TRERF1: variants seen among roughly 807,000 people sequenced by gnomAD.
The protein encoded by TRERF1 is transcriptional regulating factor 1, also known as transcriptional-regulating factor 1.
A neutral mutation model predicts 122.9 loss-of-function variants in TRERF1; 27 were observed. The observed-to-expected ratio is 0.22, with a 90% CI of 0.16 to 0.30. TRERF1 has a LOEUF of 0.30. TRERF1 is among the 10% of genes least tolerant of loss of function. The pLI, the probability that TRERF1 is intolerant of heterozygous loss-of-function variation, is 1.00. For missense variants in TRERF1, 1,248 were observed against 1,560.3 expected, an observed-to-expected ratio of 0.80 and a Z score of 3.37; for synonymous variants, 636 against 641.7, an observed-to-expected ratio of 0.99 and a Z score of 0.13.
At chr6:42,408,457 CA>C (rs1412377282) in intron 2 of TRERF1, among the ~76,000 whole-genome samples, 81 of 141,684 alleles carry the variant, frequency 5.7e-4, no homozygotes, top group Non-Finnish European at 1.4e-4. Flanking sequence ...CGGCTCACTG[CA>C]ACCTCTGCCT....
At chr6:42,349,790 T>C (rs1769047660) in intron 3 of TRERF1, among the ~76,000 whole-genome samples, 1 of 152,198 alleles carries the variant, frequency 6.6e-6, no homozygotes, top group African/African-American at 2.4e-5. Flanking sequence ...CCTATTCTCT[T>C]TCATGGTAAC....
At chr6:42,273,151 C>A (rs1446534350) in intron 4 of TRERF1, among the ~76,000 whole-genome samples, 2 of 151,330 alleles carry the variant, frequency 1.3e-5, no homozygotes, top group African/African-American at 4.9e-5. Flanking sequence ...CATCAGATTC[C>A]TTTCTTATAT....
intron 2 of TRERF1, among the ~76,000 whole-genome samples, chr6:42,408,246 TATACATACAC>T (rs1562152666): frequency 0.015 from 1,408 of 91,258 alleles, 24 homozygotes; most frequent in African/African-American, 0.064. Flanking sequence ...TGTATGTATA[TATACATACAC>T]ATGTGTGTGT....
intron 4 of TRERF1, among the ~76,000 whole-genome samples, chr6:42,277,675 A>AC (rs1781393555): frequency 6.6e-6 from 1 of 151,906 alleles, no homozygotes; most frequent in South Asian, 2.1e-4. Context: ...ACATAGTGAG[A>AC]CCCCATTTCT....
At chr6:42,244,248 G>A (rs943954220) in intron 14 of TRERF1, among the ~76,000 whole-genome samples, 2 of 148,338 alleles carry the variant, frequency 1.3e-5, no homozygotes, top group Non-Finnish European at 3.0e-5. Context: ...GCAATGGCAC[G>A]ATCTCGGCTC....
At position 42,270,719 on chromosome 6, in the gene TRERF1, G is replaced by A. The variant is rs938615991; in HGVS notation, c.-258-871C>T. Among the ~76,000 whole-genome samples, 11 of 150,968 alleles carry A rather than the reference G, an allele frequency of 7.3e-5. No homozygotes were observed. In the East Asian group the frequency reaches 2.2e-3, roughly 30 times the overall value. Reference sequence around the variant, plus strand: ...CAGGAGACTGAGGCGAGGATTACTTGAGCTAAGGAGTTCAAGACTAGCCTG... The same window carrying A: ...CAGGAGACTGAGGCGAGGATTACTTAAGCTAAGGAGTTCAAGACTAGCCTG... On this transcript the variant is annotated intron_variant, in intron 4 of 17. Coordinates refer to ENST00000372922, the Ensembl canonical transcript of TRERF1.
intron 4 of TRERF1, among the ~76,000 whole-genome samples, chr6:42,287,815 A>C (rs34878665): frequency 0.027 from 4,152 of 151,956 alleles, 57 homozygotes; most frequent in Non-Finnish European, 0.037. Context: ...TCCAGCCCTG[A>C]CACACCACCC....
chr6:42,277,692 A>C (rs946828734), intron 4 of TRERF1, among the ~76,000 whole-genome samples: 1 of 152,042 alleles, frequency 6.6e-6, no homozygotes, highest in African/African-American at 2.4e-5. Context: ...TTCTACAAAC[A>C]ATTAGCTGGG....
chr6:42,245,534 A>G (rs1349508367), intron 14 of TRERF1, among the ~76,000 whole-genome samples: 1 of 152,256 alleles, frequency 6.6e-6, no homozygotes, highest in Non-Finnish European at 1.5e-5. Flanking sequence ...ATCATTCATC[A>G]GTTTGTTGAA....
intron 4 of TRERF1, among the ~76,000 whole-genome samples, chr6:42,281,064 G>A (rs1429044659): frequency 3.9e-5 from 6 of 152,032 alleles, no homozygotes; most frequent in Non-Finnish European, 8.8e-5. Flanking sequence ...GATAAAGAGG[G>A]GTCCTGCCCT....
intron 2 of TRERF1, among the ~76,000 whole-genome samples, chr6:42,364,469 C>T (rs1032607081): frequency 2.3e-4 from 35 of 152,330 alleles, no homozygotes; most frequent in Admixed American, 2.2e-3. Flanking sequence ...TTATGGTGTG[C>T]CCAGAGCCTG....
At chr6:42,372,025 T>C (rs1773864262) in intron 2 of TRERF1, among the ~76,000 whole-genome samples, 1 of 152,024 alleles carries the variant, frequency 6.6e-6, no homozygotes, top group African/African-American at 2.4e-5. Context: ...CTACTAAAAA[T>C]ACAAAAATTA....
intron 2 of TRERF1, among the ~76,000 whole-genome samples, chr6:42,399,957 G>T (rs1424920655): frequency 6.6e-6 from 1 of 152,150 alleles, no homozygotes; most frequent in Non-Finnish European, 1.5e-5. Flanking sequence ...GGGTCCCACA[G>T]GACCTCAAAT....
chr6:42,358,331 A>G (rs1770998858), intron 3 of TRERF1, among the ~76,000 whole-genome samples: 1 of 152,254 alleles, frequency 6.6e-6, no homozygotes, highest in Admixed American at 6.5e-5. Flanking sequence ...TATAAAATAA[A>G]TTGGGTTTAT....
At chr6:42,361,180 A>G (rs1358632816) in intron 3 of TRERF1, among the ~76,000 whole-genome samples, 1 of 152,234 alleles carries the variant, frequency 6.6e-6, no homozygotes, top group East Asian at 1.9e-4. Context: ...GGTCCCTTCC[A>G]TGACGTAAGG....
intron 2 of TRERF1, among the ~76,000 whole-genome samples, chr6:42,377,287 C>T (rs1047385122): frequency 2.0e-5 from 3 of 152,206 alleles, no homozygotes; most frequent in Admixed American, 1.3e-4. Context: ...TATTTCAGGG[C>T]ATTCTCATCA....
intron 3 of TRERF1, among the ~76,000 whole-genome samples, chr6:42,358,870 C>T (rs1296893182): frequency 6.6e-6 from 1 of 150,512 alleles, no homozygotes; most frequent in African/African-American, 2.5e-5. Flanking sequence ...ACTCTCTGAG[C>T]CAAGGAATTT....
At chr6:42,409,820 C>G (rs1304479673) in intron 2 of TRERF1, among the ~76,000 whole-genome samples, 1 of 152,164 alleles carries the variant, frequency 6.6e-6, no homozygotes, top group Non-Finnish European at 1.5e-5. Flanking sequence ...TATTTCCCCA[C>G]TCAGTATCTG....
chr6:42,401,496 C>T (rs112459826), intron 2 of TRERF1, among the ~76,000 whole-genome samples: 1,781 of 152,146 alleles, frequency 0.012, 35 homozygotes, highest in African/African-American at 0.039. Context: ...TAACTGAGGC[C>T]GAGAGGCTAC....
Sources: allele counts gnomAD v4.1 joint callset (sites outside exome capture counted in the v4.1 genomes callset), GRCh38; gene constraint gnomAD v4.1.1; transcripts MANE v1.5; gene names NCBI Gene and HGNC (gene_info 2026-07-23, HGNC 2026-07-21).